KANK3: variants seen among roughly 807,000 people sequenced by gnomAD.
KANK3 encodes the protein KN motif and ankyrin repeat domain-containing protein 3.
In KANK3, 61 loss-of-function variants were observed where a neutral mutation model predicts 65.4. The observed-to-expected ratio is 0.93, with a 90% CI of 0.76 to 1.15. The LOEUF (loss-of-function observed/expected upper bound fraction) is 1.15, where lower values mean the gene tolerates loss of function less well. Ranked by LOEUF, KANK3 falls within the 50% of genes most tolerant of loss-of-function variation. The pLI is 0.00. For synonymous variants in KANK3, 586 were observed against 543.3 expected, an observed-to-expected ratio of 1.08 and a Z score of -1.09; for missense variants, 1,187 against 1,178.8, an observed-to-expected ratio of 1.01 and a Z score of -0.10.
intron 2 of KANK3, among the ~76,000 whole-genome samples, chr19:8,337,356 C>A (rs559045636): frequency 6.6e-6 from 1 of 152,064 alleles, no homozygotes; most frequent in Admixed American, 6.6e-5. Context: ...GGGGCACCAC[C>A]ATGCCCGGCT....
Position 8,335,300 on chromosome 19 carries a change from G to A in KANK3, c.527C>T (p.Ala176Val). The change falls in exon 3 of 11, where the codon GCT becomes GTT. Residue 176 changes from alanine (A) to valine (V), a missense_variant. This residue lies in a region of KANK3 where 1,078 missense variants were observed against 1,038.2 expected (regional missense o/e 1.04). Coordinates refer to ENST00000330915, the MANE Select transcript of KANK3 (RefSeq NM_198471.3). ...CTGCAGTTGGGCAGGGCCGGGCGAA[G>A]CAGGGGCAAGGTTAGGGGCGGGGCT... ...RSSPAPNLAP[A>V]SPGPAQLQLV... 2 of 1,206,414 alleles carry A rather than the reference G, an allele frequency of 1.7e-6. No homozygotes were observed. Among genetic ancestry groups the A allele is most frequent in the South Asian group, 7.2e-5 (2 of 27,624 alleles). The allele number at this position is 1,206,414 out of a possible 1,614,324, so 74.7% of individuals were successfully genotyped here.
chr19:8,335,020 AGC>A lies in KANK3; in HGVS notation c.805_806del (p.Ala269Ter). The A allele has an allele frequency of 6.9e-7, 1 of 1,452,844 alleles. No individual in the cohort carries two copies. The highest frequency in any genetic ancestry group is 1.3e-5 in the South Asian group (1 of 74,346). 90.0% of individuals were successfully genotyped at this position (1,452,844 alleles called of 1,614,324 possible). On this transcript the variant is annotated frameshift_variant, in exon 3 of 11. Transcript: ENST00000330915. LOFTEE classifies it high-confidence loss of function. The stretch of plus-strand genomic sequence containing the variant: ...CTGCAGCCAGGCCGTCTGGGCTGTC[AGC>A]CCGGGGGCTGGCCCTGGCACGGCCG... ...RGGRARASPR[A>X]DSPDGLAAGR...
chr19:8,331,696 T>G (rs1458374466), intron 7 of KANK3, among the ~76,000 whole-genome samples: 1 of 152,106 alleles, frequency 6.6e-6, no homozygotes, highest in Non-Finnish European at 1.5e-5. Context: ...CCCTGCCTGG[T>G]GAGTACCTCC....
At chr19:8,325,140 G>A (rs532356482) in intron 7 of KANK3, 44 bp from the exon 8 acceptor site, 15 of 1,564,124 alleles carry the variant, frequency 9.6e-6, no homozygotes, top group South Asian at 7.1e-5. Context: ...CCAACACCGC[G>A]GCCCGACTTG....
rs1013364741 is a variant in KANK3, at chr19:8,324,666, G to A, written c.2247C>T (p.Leu749=). 2.2e-5 allele frequency: 36 copies of A among 1,613,894 alleles called. No homozygotes were observed. Among genetic ancestry groups the A allele is most frequent in the African/African-American group, 5.3e-5 (4 of 74,956 alleles). ...YGRLDTVRLL[L]TQPGCDPAIL... is the part of the protein sequence containing the mutation. ...TGGCAGGGTCACAGCCTGGCTGGGT[G>A]AGCAGCAGCCGCACGGTGTCCAGGC... Residue 749 remains leucine, a synonymous_variant, in exon 9 of 11, where the codon CTC becomes CTT. Transcript: ENST00000330915.
At chr19:8,338,613 C>T (rs1405175623) in intron 1 of KANK3, among the ~76,000 whole-genome samples, 3 of 152,080 alleles carry the variant, frequency 2.0e-5, no homozygotes, top group African/African-American at 7.2e-5. Flanking sequence ...CGGTGGCTCA[C>T]GCCTGTAATC....
intron 7 of KANK3, among the ~76,000 whole-genome samples, chr19:8,332,392 G>A (rs1483951493): frequency 3.3e-5 from 5 of 151,422 alleles, no homozygotes; most frequent in Admixed American, 6.6e-5. Context: ...TGGCCAGGCC[G>A]GTCTCGAACT....
intron 2 of KANK3, among the ~76,000 whole-genome samples, chr19:8,337,462 A>G (rs918332295): frequency 3.3e-5 from 5 of 151,792 alleles, no homozygotes; most frequent in Non-Finnish European, 7.4e-5. Context: ...CGGCCTCCCA[A>G]AGTGCTGGGA....
chr19:8,339,552 G>T lies in KANK3; in HGVS notation c.-28-1696C>A, dbSNP rs1970695637. 2.6e-5 allele frequency among the ~76,000 whole-genome samples: 4 copies of T among 151,996 alleles called. 1 individual carries two copies. In the South Asian group the frequency reaches 8.3e-4, roughly 31 times the overall value. On this transcript the variant is annotated intron_variant, in intron 1 of 10. Transcript: ENST00000330915. ...TTTTTGTATTTTTAGTAGAGATAGG[G>T]TTTCATCATGTTGGCCAGGCTGGTC...
Position 8,333,228 on chromosome 19 carries a change from G to C in KANK3, c.1722C>G (p.Gly574=). Residue 574 remains glycine, a splice_region_variant and synonymous_variant, in exon 7 of 11, where the codon GGC becomes GGG. Coordinates refer to ENST00000330915, the MANE Select transcript of KANK3 (RefSeq NM_198471.3). This position sits in a 1 kb window ranked among gnomAD's most constrained non-coding sequence, Gnocchi z 5.0. The stretch of plus-strand genomic sequence containing the variant: ...ACTCCTGGGCCACGAGGCGCACTGC[G>C]CCCTGCAAGGGACAGGGGCCAAGAT... The part of the protein sequence containing the change: ...SRPRGVASDG[G]AVRLVAQEWF... 1 of 1,609,112 alleles carries C rather than the reference G, an allele frequency of 6.2e-7. No individual in the cohort carries two copies. Among genetic ancestry groups the C allele is most frequent in the Non-Finnish European group, 8.5e-7 (1 of 1,178,696 alleles).
chr19:8,335,095 G>A lies in KANK3; in HGVS notation c.732C>T (p.Leu244=). 2 of 1,299,758 alleles carry A rather than the reference G, an allele frequency of 1.5e-6. No individual in the cohort carries two copies. Among genetic ancestry groups the A allele is most frequent in the Non-Finnish European group, 9.7e-7 (1 of 1,028,364 alleles). 80.5% of individuals were successfully genotyped at this position (1,299,758 alleles called of 1,614,324 possible). A position where few individuals can be genotyped will look rare whatever the true frequency, so the allele number is the denominator to read the frequency against. Residue 244 remains leucine, a synonymous_variant, in exon 3 of 11, where the codon CTC becomes CTT. Coordinates refer to ENST00000330915, the MANE Select transcript of KANK3 (RefSeq NM_198471.3). ...GCTCGGTGAGCCGCCGCAGCTGGGC[G>A]AGCTTGTCCGGGCGCGTCTCAGCCT... is the stretch of plus-strand genomic sequence containing the variant. ...DGEAETRPDK[L]AQLRRLTERL... is the part of the protein sequence containing the mutation.
chr19:8,334,561 G>A lies in KANK3; in HGVS notation c.1266C>T (p.Pro422=). The A allele has an allele frequency of 6.3e-7, 1 of 1,599,534 alleles. No individual in the cohort carries two copies. The highest frequency in any genetic ancestry group is 8.5e-7 in the Non-Finnish European group (1 of 1,178,876). ...AAQTESPAEA[P]SLTQESSPGS... The stretch of plus-strand genomic sequence containing the variant: ...CGGGCGAGCTCTCCTGAGTCAAGGA[G>A]GGCGCCTCTGCCGGGGACTCGGTCT... Residue 422 remains proline, a synonymous_variant, in exon 3 of 11, where the codon CCC becomes CCT. Transcript: ENST00000330915.
In KANK3 at chr19:8,327,354, G is replaced by A. The variant is rs145708852; in HGVS notation, c.1937-2258C>T. Among the ~76,000 whole-genome samples, 44 of 151,910 alleles carry A rather than the reference G, an allele frequency of 2.9e-4. No homozygotes were observed. The Middle Eastern group carries it at 0.01, about 35-fold the overall frequency. On this transcript the variant is annotated intron_variant, in intron 7 of 10. Transcript: ENST00000330915. ...CCCCCATCTCTTAAAAAATTTGGCC[G>A]GACACGGTGGCTCACGTCTGTAATC...
intron 7 of KANK3, among the ~76,000 whole-genome samples, chr19:8,331,980 CTTTTTTTTT>C (rs1166441751): frequency 7.4e-5 from 5 of 67,890 alleles, no homozygotes; most frequent in South Asian, 5.8e-4. Flanking sequence ...CAAAAGGCCT[CTTTTTTTTT>C]TTTTTTTTTT....
chr19:8,334,503 C>T lies in KANK3; in HGVS notation c.1324G>A (p.Ala442Thr), dbSNP rs1432117520. 4 of 1,604,824 alleles carry T rather than the reference C, an allele frequency of 2.5e-6. No individual in the cohort carries two copies. Among genetic ancestry groups the T allele is most frequent in the East Asian group, 2.2e-5 (1 of 44,850 alleles). Residue 442 changes from alanine (A) to threonine (T), a missense_variant, in exon 3 of 11, where the codon GCG becomes ACG. Physicochemically the swap from Ala to Thr is moderately conservative, Grantham distance 58. Around this residue, in one of 3 missense-constraint regions of KANK3, gnomAD observed 1,078 missense variants for 1,038.2 expected, o/e 1.04. Coordinates refer to ENST00000330915, the MANE Select transcript of KANK3 (RefSeq NM_198471.3). ...SMDGDRAVAP[A>T]GILKSIMKKR... Reference sequence around the variant, plus strand: ...CAGCGACGGGGTCGGGACTCACCCGCGGGCGCCACGGCCCTGTCTCCGTCC... The same window carrying T: ...CAGCGACGGGGTCGGGACTCACCCGTGGGCGCCACGGCCCTGTCTCCGTCC...
chr19:8,328,895 C>T (rs988326480), intron 7 of KANK3, among the ~76,000 whole-genome samples: 12 of 151,970 alleles, frequency 7.9e-5, no homozygotes, highest in African/African-American at 2.7e-4. Flanking sequence ...GTGGGCCGAG[C>T]GCGGTGGCTC....
rs1030672338 is a variant in KANK3, at chr19:8,322,674, G to T, written c.*165C>A. On this transcript the variant is annotated 3_prime_UTR_variant, in exon 11 of 11. Coordinates refer to ENST00000330915, the MANE Select transcript of KANK3 (RefSeq NM_198471.3). Reference sequence around the variant, plus strand: ...TCCCCACCTCACCTTGGTGGGGCCAGAGTGAGCCCCTTCCTGCCACAGTCA... The same window carrying T: ...TCCCCACCTCACCTTGGTGGGGCCATAGTGAGCCCCTTCCTGCCACAGTCA... 170 of 612,176 alleles carry T rather than the reference G, an allele frequency of 2.8e-4. 1 individual carries two copies. In the South Asian group the frequency reaches 3.3e-3, roughly 12 times the overall value. The allele number at this position is 612,176 out of a possible 1,614,324, so 37.9% of individuals were successfully genotyped here. A position where few individuals can be genotyped will look rare whatever the true frequency, so the allele number is the denominator to read the frequency against.
chr19:8,334,539 G>A lies in KANK3; in HGVS notation c.1288C>T (p.Pro430Ser). 1 of 1,602,652 alleles carries A rather than the reference G, an allele frequency of 6.2e-7. No homozygotes were observed. ...EAPSLTQESS[P>S]GSMDGDRAVA... The stretch of plus-strand genomic sequence containing the variant: ...GCCCTGTCTCCGTCCATGGATCCGG[G>A]CGAGCTCTCCTGAGTCAAGGAGGGC... The change falls in exon 3 of 11, where the codon CCC (proline) becomes TCC (serine). Residue 430 changes from proline (P) to serine (S), a missense_variant. Around this residue, in one of 3 missense-constraint regions of KANK3, gnomAD observed 1,078 missense variants for 1,038.2 expected, o/e 1.04. Transcript: ENST00000330915.
At chr19:8,325,175 C>CGGGCACA in intron 7 of KANK3, 79 bp from the exon 8 acceptor site, 1 of 1,468,368 alleles carries the variant, frequency 6.8e-7, no homozygotes, top group South Asian at 1.3e-5. Flanking sequence ...CTGCAAGCCT[C>CGGGCACA]GGGCACAGCA....
Sources: gnomAD v4.1 joint callset for allele counts (sites outside exome capture counted in the v4.1 genomes callset) on GRCh38, gnomAD v4.1.1 for gene constraint, gnomAD v4.1.1 regional missense constraint, Gnocchi (gnomAD v3.1) non-coding constraint, MANE v1.5 for transcripts, NCBI Gene and HGNC (gene_info 2026-07-23, HGNC 2026-07-21) for gene names.